Variants in ARHGEF4 observed in about 807,000 individuals in gnomAD.
ARHGEF4 encodes the protein Rho guanine nucleotide exchange factor 4, also known as APC-stimulated guanine nucleotide exchange factor 1.
Under a neutral mutation model 162.0 loss-of-function variants are expected in ARHGEF4, and 119 were observed. That is an observed-to-expected ratio of 0.73 (90% confidence interval 0.63 to 0.86). The LOEUF is 0.86. Among genes scored for constraint, ARHGEF4 ranks in the 40% least tolerant of loss-of-function variants. The probability of loss-of-function intolerance (pLI) is 0.00; values close to 1 mark genes in which losing one functional copy is unlikely to be tolerated. For synonymous variants in ARHGEF4, 1,014 were observed against 979.9 expected (o/e 1.03, Z -0.65); for missense variants, 2,488 against 2,456.0 (o/e 1.01, Z -0.28).
At chr2:130,952,439 A>G (rs1684015576) in intron 4 of ARHGEF4, among the ~76,000 whole-genome samples, 2 of 152,178 alleles carry the variant, frequency 1.3e-5, no homozygotes, top group African/African-American at 2.4e-5. Flanking sequence ...ATTTATGACA[A>G]ACCCACAGCC....
Position 130,976,860 on chromosome 2 carries a change from GTGTC to G in ARHGEF4, c.3985+30228_3985+30231del, listed in dbSNP as rs199777081. On this transcript the variant is annotated intron_variant, in intron 4 of 13. Coordinates refer to ENST00000409359, the MANE Select transcript of ARHGEF4 (RefSeq NM_001367493.1). ...TGTATGTTTGGCGTGTTTGTGGTGTGTGTCTGGTGTATGTGAGCATGGTGTGTGT... is the reference window on the plus strand; with the variant it reads ...TGTATGTTTGGCGTGTTTGTGGTGTGTGGTGTATGTGAGCATGGTGTGTGT... Among the ~76,000 whole-genome samples the G allele has an allele frequency of 9.0e-3, 1,372 of 152,228 alleles. 19 individuals carry two copies. Among genetic ancestry groups the G allele is most frequent in the African/African-American group, 0.031 (1,279 of 41,536 alleles).
chr2:130,885,127 T>G (rs1363361658), intron 1 of ARHGEF4, among the ~76,000 whole-genome samples: 1 of 152,232 alleles, frequency 6.6e-6, no homozygotes, highest in East Asian at 1.9e-4. Flanking sequence ...TTAGCCTTTC[T>G]ACTGTCTCAT....
At chr2:130,839,790 G>C (rs1680480663) in intron 1 of ARHGEF4, among the ~76,000 whole-genome samples, 1 of 152,128 alleles carries the variant, frequency 6.6e-6, no homozygotes, top group Admixed American at 6.5e-5. Context: ...CCAGACAGCT[G>C]GACCCCCTGC....
Position 131,040,389 on chromosome 2 carries a change from C to T in ARHGEF4, c.4611C>T (p.Phe1537=), listed in dbSNP as rs142210980. 2.3e-4 allele frequency: 369 copies of T among 1,608,606 alleles called. 2 individuals carry two copies. In the African/African-American group the frequency reaches 4.1e-3, roughly 18 times the overall value. ...TCGTGAAGGCCCTGGAGCAGAGGTT[C>T]AACCGCGAGCGCCCACACCTGAGCG... is the stretch of plus-strand genomic sequence containing the variant. ...KAFVKALEQR[F]NRERPHLSEL... is the part of the protein sequence containing the mutation. Residue 1537 remains phenylalanine (F), a synonymous_variant, in exon 8 of 14, where the codon TTC becomes TTT. Transcript: ENST00000409359.
chr2:131,026,224 T>C (rs963899726), intron 4 of ARHGEF4, among the ~76,000 whole-genome samples: 1 of 152,108 alleles, frequency 6.6e-6, no homozygotes, highest in African/African-American at 2.4e-5. Flanking sequence ...ACCACAAAAA[T>C]CATTTCCAGG....
intron 9 of ARHGEF4, 56 bp from the exon 10 acceptor site, chr2:131,041,759 C>T: frequency 6.3e-7 from 1 of 1,589,658 alleles, no homozygotes; most frequent in Admixed American, 1.7e-5. Flanking sequence ...GCAGGGGATC[C>T]TCACCCTTTC....
intron 4 of ARHGEF4, among the ~76,000 whole-genome samples, chr2:130,985,887 A>G (rs1686452531): frequency 6.6e-6 from 1 of 150,740 alleles, no homozygotes; most frequent in Non-Finnish European, 1.5e-5. Context: ...TGTATTGTAT[A>G]TGTTGTGTGC....
intron 1 of ARHGEF4, among the ~76,000 whole-genome samples, chr2:130,869,395 G>T (rs1453668866): frequency 6.6e-6 from 1 of 152,172 alleles, no homozygotes; most frequent in Non-Finnish European, 1.5e-5. Context: ...CAGGGCTCCG[G>T]GTCTCTGCCT....
intron 4 of ARHGEF4, among the ~76,000 whole-genome samples, chr2:130,980,103 C>T (rs773606246): frequency 7.9e-5 from 12 of 152,074 alleles, no homozygotes; most frequent in South Asian, 6.2e-4. Context: ...ACATAAAAAA[C>T]GTTGTAAGTC....
At chr2:130,981,865 C>T (rs1174630351) in intron 4 of ARHGEF4, among the ~76,000 whole-genome samples, 1 of 152,152 alleles carries the variant, frequency 6.6e-6, no homozygotes, top group Non-Finnish European at 1.5e-5. Context: ...GAAATTCATT[C>T]TAGGCACATG....
rs375810866 is a variant in ARHGEF4 at position 130,911,354 on chromosome 2, A to G, written c.40-2632A>G. Among the ~76,000 whole-genome samples, 99 of 152,254 alleles carry G rather than the reference A, an allele frequency of 6.5e-4. 1 individual carries two copies. The highest frequency in any genetic ancestry group is 2.3e-3 in the African/African-American group (97 of 41,558). ...GGAGCCTGCCTGCTTCAGACTTTCAAATTTAACCCACTCCCACCCCTGTAA... is the reference window on the plus strand; with the variant it reads ...GGAGCCTGCCTGCTTCAGACTTTCAGATTTAACCCACTCCCACCCCTGTAA... On this transcript the variant is annotated intron_variant, in intron 1 of 13. Transcript: ENST00000409359.
At chr2:130,954,659 G>A (rs964973777) in intron 4 of ARHGEF4, among the ~76,000 whole-genome samples, 2 of 152,160 alleles carry the variant, frequency 1.3e-5, no homozygotes, top group Non-Finnish European at 2.9e-5. Context: ...TAATCATATT[G>A]AAGAAGGCTT....
At chr2:131,041,782 C>T in intron 9 of ARHGEF4, 33 bp from the exon 10 acceptor site, 1 of 1,606,002 alleles carries the variant, frequency 6.2e-7, no homozygotes, top group Non-Finnish European at 8.5e-7. Flanking sequence ...TGTCTCCAGC[C>T]TGCAGCAGCC....
At chr2:130,981,935 A>C (rs963210159) in intron 4 of ARHGEF4, among the ~76,000 whole-genome samples, 29 of 152,242 alleles carry the variant, frequency 1.9e-4, no homozygotes, top group African/African-American at 7.0e-4. Flanking sequence ...AGTGTGAAGC[A>C]ATACAAACAT....
chr2:130,988,901 T>TATATATATAGAGAGAG (rs1469212068), intron 4 of ARHGEF4, among the ~76,000 whole-genome samples: 1 of 113,382 alleles, frequency 8.8e-6, no homozygotes, highest in Non-Finnish European at 1.7e-5. Flanking sequence ...TATATATATA[T>TATATATATAGAGAGAG]AGAGAGAGAG....
intron 1 of ARHGEF4, among the ~76,000 whole-genome samples, chr2:130,907,208 CTTTTTTTTTTTT>C (rs70994720): frequency 1.1e-5 from 1 of 87,254 alleles, no homozygotes; most frequent in East Asian, 4.4e-4. Context: ...TAGTTTGTCC[CTTTTTTTTTTTT>C]TTTTTTTTTT....
chr2:131,028,658 A>T (rs6725926), intron 5 of ARHGEF4, among the ~76,000 whole-genome samples: 1 of 152,190 alleles, frequency 6.6e-6, no homozygotes, highest in Non-Finnish European at 1.5e-5. Flanking sequence ...CATTCCCAAT[A>T]AGAGAGGAAT....
At chr2:131,024,636 T>C (rs1290382593) in intron 4 of ARHGEF4, among the ~76,000 whole-genome samples, 3 of 152,184 alleles carry the variant, frequency 2.0e-5, no homozygotes, top group Non-Finnish European at 4.4e-5. Flanking sequence ...TTTTGGTGGA[T>C]TGCAGTTTGT....
chr2:131,014,850 G>A (rs1415159802), intron 4 of ARHGEF4, among the ~76,000 whole-genome samples: 1 of 152,148 alleles, frequency 6.6e-6, no homozygotes, highest in African/African-American at 2.4e-5. Context: ...TGGAGGGAGA[G>A]TAGGGGCAGC....
Sources: allele counts gnomAD v4.1 joint callset (sites outside exome capture counted in the v4.1 genomes callset), GRCh38; gene constraint gnomAD v4.1.1; transcripts MANE v1.5; gene names NCBI Gene and HGNC (gene_info 2026-07-23, HGNC 2026-07-21).